Variants in GON4L observed in about 807,000 individuals in gnomAD.
GON4L encodes the protein GON-4-like protein.
In GON4L, 87 loss-of-function variants were observed where a neutral mutation model predicts 211.8. That is an observed-to-expected ratio of 0.41 (90% CI 0.35 to 0.49). The LOEUF is 0.49. GON4L is among the 20% of genes least tolerant of loss of function. The pLI is 0.15. For missense variants in GON4L, 2,155 were observed against 2,659.5 expected, an observed-to-expected ratio of 0.81 and a Z score of 4.17; for synonymous variants, 875 against 962.6, an observed-to-expected ratio of 0.91 and a Z score of 1.68.
chr1:155,811,335 T>C (rs1667743307), intron 10 of GON4L, among the ~76,000 whole-genome samples: 2 of 119,628 alleles, frequency 1.7e-5, no homozygotes, highest in Non-Finnish European at 3.1e-5. Context: ...GAGCTTGCAG[T>C]GAGCCGAGAT....
Position 155,766,035 on chromosome 1 carries a change from A to G in GON4L, c.3438T>C (p.Thr1146=). The part of the protein sequence containing the change: ...VIHHPASVIF[T]VPATTVKIVS... Reference sequence around the variant, plus strand: ...CAATCTTCACAGTGGTAGCAGGAACAGTGAAGATAACAGATGCAGGGTGGT... The same window carrying G: ...CAATCTTCACAGTGGTAGCAGGAACGGTGAAGATAACAGATGCAGGGTGGT... Residue 1146 remains threonine (T), a synonymous_variant, in exon 21 of 32, where the codon ACT becomes ACC. Coordinates refer to ENST00000368331, the MANE Select transcript of GON4L (RefSeq NM_001282860.2). 1.2e-6 allele frequency: 2 copies of G among 1,614,206 alleles called. No individual in the cohort carries two copies. Among genetic ancestry groups the G allele is most frequent in the Non-Finnish European group, 1.7e-6 (2 of 1,180,024 alleles).
At chr1:155,798,817 G>T (rs1486791917) in intron 11 of GON4L, among the ~76,000 whole-genome samples, 1 of 152,020 alleles carries the variant, frequency 6.6e-6, no homozygotes, top group African/African-American at 2.4e-5. Flanking sequence ...CTGTTTGGAT[G>T]CAAGAACTGC....
At chr1:155,762,459 A>G in intron 22 of GON4L, 85 bp from the exon 23 acceptor site, 4 of 1,084,002 alleles carry the variant, frequency 3.7e-6, no homozygotes, top group South Asian at 3.2e-5. Flanking sequence ...CCCCAGCCAA[A>G]TCCTATTCAA....
At chr1:155,833,747 G>GGAGGAGAC (rs1670027080) in intron 2 of GON4L, among the ~76,000 whole-genome samples, 1 of 124,356 alleles carries the variant, frequency 8.0e-6, no homozygotes, top group Non-Finnish European at 1.8e-5. Context: ...GGGGAGGAGA[G>GGAGGAGAC]GAGGAGGGGA....
chr1:155,782,558 C>G (rs1182099960), intron 14 of GON4L, among the ~76,000 whole-genome samples: 1 of 152,184 alleles, frequency 6.6e-6, no homozygotes, highest in Non-Finnish European at 1.5e-5. Context: ...TAACATTTCA[C>G]AGAATGTATC....
Position 155,813,709 on chromosome 1 carries a change from A to G in GON4L, c.1377T>C (p.Asp459=), listed in dbSNP as rs770068849. 1.9e-6 allele frequency: 3 copies of G among 1,613,498 alleles called. No individual in the cohort carries two copies. The African/African-American group carries it at 4.0e-5, about 22-fold the overall frequency. The part of the protein sequence containing the change: ...PPPPKPKQTR[D]STFMEKLHAV... The stretch of plus-strand genomic sequence containing the variant: ...CATGTAACTTCTCCATGAAAGTACT[A>G]TCTCTGGTCTGTTTCGGCTTTGGAG... The change falls in exon 10 of 32, where the codon GAT becomes GAC. Residue 459 remains aspartate, a synonymous_variant. Coordinates refer to ENST00000368331, the MANE Select transcript of GON4L (RefSeq NM_001282860.2).
chr1:155,849,120 C>T (rs532728749), intron 2 of GON4L, among the ~76,000 whole-genome samples: 29 of 142,122 alleles, frequency 2.0e-4, no homozygotes, highest in Non-Finnish European at 3.6e-4. Context: ...TGCCCTCCAG[C>T]CTAAACAACA....
At chr1:155,831,663 C>T (rs1669785189) in intron 2 of GON4L, 1 of 148,986 alleles carries the variant, frequency 6.7e-6, no homozygotes, top group South Asian at 2.1e-4. Context: ...CTATGCTGGG[C>T]AACTTATAGA....
chr1:155,856,706 G>A (rs545080040), intron 1 of GON4L, among the ~76,000 whole-genome samples: 7 of 152,156 alleles, frequency 4.6e-5, no homozygotes, highest in Non-Finnish European at 8.8e-5. Context: ...TAGAATGGGA[G>A]TAGCCAGGGC....
At chr1:155,798,450 C>T (rs188754366) in intron 11 of GON4L, among the ~76,000 whole-genome samples, 35 of 147,830 alleles carry the variant, frequency 2.4e-4, no homozygotes, top group Non-Finnish European at 8.9e-5. Context: ...CACTCTGTCG[C>T]CCAGGCTGGA....
intron 11 of GON4L, among the ~76,000 whole-genome samples, chr1:155,796,876 G>T (rs1404805013): frequency 6.6e-6 from 1 of 151,878 alleles, no homozygotes; most frequent in East Asian, 1.9e-4. Context: ...TTACTATCAT[G>T]TATCCATTAA....
intron 11 of GON4L, among the ~76,000 whole-genome samples, chr1:155,798,484 G>A (rs895158757): frequency 4.2e-5 from 6 of 142,288 alleles, no homozygotes; most frequent in South Asian, 2.2e-4. Flanking sequence ...ATCTCGGCTC[G>A]CTGCAAGCTC....
At chr1:155,768,966 TTTTG>T (rs1397669087) in intron 19 of GON4L, among the ~76,000 whole-genome samples, 3 of 152,188 alleles carry the variant, frequency 2.0e-5, no homozygotes, top group Admixed American at 1.3e-4. Flanking sequence ...TCTTTGTACT[TTTTG>T]TTTGTTTCTC....
rs1666528499 is a variant in GON4L, at chr1:155,800,458, G to C, written c.1645+4491C>G. ...TGTAAACCCAGCTACTTGGGAGGCT[G>C]AGACAGGAGAATCGCTTGAACCTGA... On this transcript the variant is annotated intron_variant, in intron 11 of 31. Transcript: ENST00000368331. 2.0e-5 allele frequency among the ~76,000 whole-genome samples: 3 copies of C among 151,820 alleles called. No individual in the cohort carries two copies. The South Asian group carries it at 6.2e-4, about 32-fold the overall frequency.
At chr1:155,821,062 C>T (rs1002322769) in intron 5 of GON4L, among the ~76,000 whole-genome samples, 5 of 151,958 alleles carry the variant, frequency 3.3e-5, no homozygotes, top group African/African-American at 9.7e-5. Context: ...GTCAGGAGAT[C>T]GAGACCGTCC....
intron 6 of GON4L, 101 bp from the exon 7 acceptor site, chr1:155,816,363 A>T (rs1394977463): frequency 3.0e-6 from 2 of 670,728 alleles, no homozygotes; most frequent in Non-Finnish European, 5.5e-6. Context: ...ATACTTAACA[A>T]GTAACTGCAG....
intron 18 of GON4L, among the ~76,000 whole-genome samples, chr1:155,771,459 G>A (rs1300311859): frequency 6.6e-6 from 1 of 151,892 alleles, no homozygotes; most frequent in African/African-American, 2.4e-5. Flanking sequence ...GAGCCATGGT[G>A]TGTGGCCCAA....
At chr1:155,801,831 C>T (rs1287242441) in intron 11 of GON4L, among the ~76,000 whole-genome samples, 1 of 151,088 alleles carries the variant, frequency 6.6e-6, no homozygotes, top group East Asian at 1.9e-4. Context: ...TGCAGTGAGC[C>T]GAGATCACAC....
intron 2 of GON4L, among the ~76,000 whole-genome samples, chr1:155,836,829 T>C (rs1670360792): frequency 6.6e-6 from 1 of 152,246 alleles, no homozygotes; most frequent in Non-Finnish European, 1.5e-5. Flanking sequence ...TATCCAGTTG[T>C]CATGTTTGTA....
Sources: allele counts gnomAD v4.1 joint callset (sites outside exome capture counted in the v4.1 genomes callset), GRCh38; gene constraint gnomAD v4.1.1; transcripts MANE v1.5; gene names NCBI Gene and HGNC (gene_info 2026-07-23, HGNC 2026-07-21).